GUCA1C: variants seen among roughly 807,000 people sequenced by gnomAD.
GUCA1C encodes guanylate cyclase activator 1C.
Under a neutral mutation model 16.2 loss-of-function variants are expected in GUCA1C, and 15 were observed. That is an observed-to-expected ratio of 0.93 (90% CI 0.62 to 1.43). The LOEUF is 1.43. GUCA1C is among the 40% of genes most tolerant of loss of function. The probability of loss-of-function intolerance (pLI) is 0.00; values close to 1 mark genes in which losing one functional copy is unlikely to be tolerated. For missense variants in GUCA1C, 275 were observed against 244.8 expected (o/e 1.12, Z -0.82); for synonymous variants, 78 against 85.4 (o/e 0.91, Z 0.48).
At chr3:108,939,386 CA>C (rs1456929336) in intron 1 of GUCA1C, among the ~76,000 whole-genome samples, 3 of 122,586 alleles carry the variant, frequency 2.4e-5, no homozygotes, top group Admixed American at 1.0e-4. Context: ...GGTGGGAGTG[CA>C]GTGGCATGCT....
At chr3:108,918,189 C>G (rs962893835) in intron 2 of GUCA1C, among the ~76,000 whole-genome samples, 2 of 152,162 alleles carry the variant, frequency 1.3e-5, no homozygotes, top group African/African-American at 4.8e-5. Context: ...AGCCCTACGC[C>G]CTCTCTACTC....
Position 108,953,566 on chromosome 3 carries a change from G to T in GUCA1C, c.197C>A (p.Thr66Lys). The T allele has an allele frequency of 6.3e-7, 1 of 1,583,666 alleles. No homozygotes were observed. The highest frequency in any genetic ancestry group is 8.7e-7 in the Non-Finnish European group (1 of 1,152,644). Residue 66 changes from threonine to lysine, a missense_variant, in exon 1 of 4, where the codon ACG becomes AAG. Physicochemically the swap from Thr to Lys is moderately conservative, Grantham distance 78. Coordinates refer to ENST00000261047, the MANE Select transcript of GUCA1C (RefSeq NM_005459.4). ...HIDQVYNTFD[T>K]NKDGFVDFLE... ...AAAAATGAAAGATCTTACCTTGTTC[G>T]TGTCAAAGGTATTATAAACTTGATC...
intron 1 of GUCA1C, among the ~76,000 whole-genome samples, chr3:108,932,323 C>CAA (rs71106610): frequency 2.7e-4 from 28 of 102,030 alleles, no homozygotes; most frequent in Admixed American, 7.5e-4. Context: ...GACCTCCCAC[C>CAA]AAAAAAAAAA....
intron 1 of GUCA1C, among the ~76,000 whole-genome samples, chr3:108,932,321 AC>A (rs1435827003): frequency 0.024 from 1,883 of 79,444 alleles, 46 homozygotes; most frequent in African/African-American, 0.084. Flanking sequence ...TAGACCTCCC[AC>A]CAAAAAAAAA....
intron 2 of GUCA1C, 33 bp downstream of exon 2, chr3:108,920,403 G>T: frequency 6.4e-7 from 1 of 1,556,128 alleles, no homozygotes; most frequent in Non-Finnish European, 8.9e-7. Flanking sequence ...ACTATATAGC[G>T]GCCTGAAAAG....
In GUCA1C at chr3:108,913,228, T is replaced by TG. The variant is rs1156817304; in HGVS notation, c.442+2898_442+2899insC. ...TGTGCTTGCTTTTTATTTTGAGAAA[T>TG]AAATATATATATATATATATGTCAG... On this transcript the variant is annotated intron_variant, in intron 3 of 3. Coordinates refer to ENST00000261047, the MANE Select transcript of GUCA1C (RefSeq NM_005459.4). 1.4e-3 allele frequency among the ~76,000 whole-genome samples: 122 copies of TG among 88,306 alleles called. No homozygotes were observed. The East Asian group carries it at 0.018, about 13-fold the overall frequency. The allele number at this position is 88,306 out of a possible 152,430, so 57.9% of individuals were successfully genotyped here.
intron 1 of GUCA1C, among the ~76,000 whole-genome samples, chr3:108,935,102 C>G (rs1366656563): frequency 1.3e-5 from 2 of 151,758 alleles, no homozygotes; most frequent in Admixed American, 1.3e-4. Flanking sequence ...CATGAGTCAC[C>G]ACACCTGGCC....
intron 1 of GUCA1C, among the ~76,000 whole-genome samples, chr3:108,925,401 G>A (rs533291154): frequency 3.3e-5 from 5 of 152,174 alleles, no homozygotes; most frequent in African/African-American, 1.2e-4. Flanking sequence ...TCTGAAGCAG[G>A]TTATTTAATT....
intron 1 of GUCA1C, among the ~76,000 whole-genome samples, chr3:108,949,679 C>T (rs1946878882): frequency 6.6e-6 from 1 of 152,188 alleles, no homozygotes; most frequent in Non-Finnish European, 1.5e-5. Flanking sequence ...ATGTATTCAT[C>T]TATTCAGTGC....
chr3:108,951,582 T>G (rs1480117460), intron 1 of GUCA1C, among the ~76,000 whole-genome samples: 3 of 152,254 alleles, frequency 2.0e-5, no homozygotes, highest in Admixed American at 6.5e-5. Flanking sequence ...ACTTTTCCTG[T>G]GCATAATTGC....
chr3:108,928,696 G>A (rs1288855367), intron 1 of GUCA1C, among the ~76,000 whole-genome samples: 4 of 152,180 alleles, frequency 2.6e-5, no homozygotes, highest in Non-Finnish European at 5.9e-5. Context: ...TGAAAAGACT[G>A]TCTTTTCTCC....
chr3:108,911,446 G>A (rs1946452162), intron 3 of GUCA1C, among the ~76,000 whole-genome samples: 1 of 151,962 alleles, frequency 6.6e-6, no homozygotes. Flanking sequence ...TATTGAGCTG[G>A]GGCTGGAACA....
chr3:108,919,947 C>T (rs192272900), intron 2 of GUCA1C, among the ~76,000 whole-genome samples: 62 of 152,154 alleles, frequency 4.1e-4, no homozygotes, highest in Admixed American at 2.6e-4. Context: ...GGTGGTGGTA[C>T]AGTGGCTTAT....
intron 1 of GUCA1C, among the ~76,000 whole-genome samples, chr3:108,945,889 C>T (rs1236014165): frequency 1.3e-5 from 2 of 152,136 alleles, no homozygotes; most frequent in African/African-American, 4.8e-5. Context: ...CAATGATATG[C>T]TGGAGCGTAT....
At chr3:108,931,972 T>G (rs971168756) in intron 1 of GUCA1C, among the ~76,000 whole-genome samples, 13 of 146,166 alleles carry the variant, frequency 8.9e-5, no homozygotes, top group African/African-American at 2.5e-4. Flanking sequence ...CTGCTCAGCC[T>G]CCCGAGTAAC....
intron 1 of GUCA1C, among the ~76,000 whole-genome samples, chr3:108,928,374 AT>A (rs1451516827): frequency 6.6e-6 from 1 of 152,038 alleles, no homozygotes; most frequent in East Asian, 1.9e-4. Context: ...TTTTGCAGAT[AT>A]TTTCTCCCAG....
intron 1 of GUCA1C, among the ~76,000 whole-genome samples, chr3:108,951,796 G>A (rs933496838): frequency 6.6e-5 from 10 of 152,106 alleles, no homozygotes; most frequent in Non-Finnish European, 1.3e-4. Flanking sequence ...GGGATGGGTC[G>A]GGCCATTCCT....
intron 1 of GUCA1C, among the ~76,000 whole-genome samples, chr3:108,922,160 A>AACACACACACACAC (rs56788372): frequency 1.9e-5 from 1 of 52,076 alleles, no homozygotes; most frequent in Non-Finnish European, 5.2e-5. Context: ...CACATACACA[A>AACACACACACACAC]ACACACACAC....
In GUCA1C at chr3:108,911,034, C is replaced by T. The variant is rs570673499; in HGVS notation, c.443-2825G>A. On this transcript the variant is annotated intron_variant, in intron 3 of 3. Transcript: ENST00000261047. Reference sequence around the variant, plus strand: ...TTGAAATATATGTAATTGGAATCTACGTTGTTTAGGGCTATTTGTTGTATT... The same window carrying T: ...TTGAAATATATGTAATTGGAATCTATGTTGTTTAGGGCTATTTGTTGTATT... Among the ~76,000 whole-genome samples the T allele has an allele frequency of 1.8e-3, 278 of 152,204 alleles. 3 individuals are homozygous for T. The highest frequency in any genetic ancestry group is 6.5e-3 in the African/African-American group (268 of 41,512).
Sources: gnomAD v4.1 joint callset for allele counts (sites outside exome capture counted in the v4.1 genomes callset) on GRCh38, gnomAD v4.1.1 for gene constraint, MANE v1.5 for transcripts, NCBI Gene and HGNC (gene_info 2026-07-23, HGNC 2026-07-21) for gene names.